Variants in GNAL observed in about 807,000 individuals in gnomAD.
The protein encoded by GNAL is G protein subunit alpha L, also known as guanine nucleotide-binding protein G(olf) subunit alpha.
Under a neutral mutation model 55.1 loss-of-function variants are expected in GNAL, and 18 were observed. The ratio of observed to expected loss-of-function variants is 0.33; its 90% CI spans 0.23 to 0.48. The LOEUF is 0.48. Among genes scored for constraint, GNAL ranks in the 20% least tolerant of loss-of-function variants. The pLI, the probability that GNAL is intolerant of heterozygous loss-of-function variation, is 0.99. For synonymous variants in GNAL, 253 were observed against 237.0 expected (o/e 1.07, Z -0.62); for missense variants, 412 against 614.1 (o/e 0.67, Z 3.48).
chr18:11,775,557 C>T (rs1037961932), intron 4 of GNAL, among the ~76,000 whole-genome samples: 81 of 152,204 alleles, frequency 5.3e-4, no homozygotes, highest in African/African-American at 1.9e-3. Flanking sequence ...CTAAGCCCTA[C>T]CTCACCCAAA....
chr18:11,768,676 C>CCT (rs1270114028), intron 4 of GNAL, among the ~76,000 whole-genome samples: 1 of 150,140 alleles, frequency 6.7e-6, no homozygotes, highest in Non-Finnish European at 1.5e-5. Context: ...GGGCGGATCA[C>CCT]GAGGTCAGGA....
At chr18:11,731,604 T>C (rs1407469392) in intron 1 of GNAL, among the ~76,000 whole-genome samples, 2 of 152,248 alleles carry the variant, frequency 1.3e-5, no homozygotes, top group African/African-American at 2.4e-5. Context: ...CACTGCGCAA[T>C]TGAATTCCAA....
Position 11,753,648 on chromosome 18 carries a change from T to C in GNAL, c.470T>C (p.Leu157Pro). ...TACAGGGAAAAGAAACAGAAAATTC[T>C]GGACATCCGGAAAAATGTTAAAGAT... Reference protein sequence around the residue: ...FNPEEKKQKILDIRKNVKDAI... With the variant: ...FNPEEKKQKIPDIRKNVKDAI... The change falls in exon 3 of 12, where the codon CTG becomes CCG. Residue 157 changes from leucine to proline, a missense_variant. Coordinates refer to ENST00000334049, the MANE Select transcript of GNAL (RefSeq NM_182978.4). The C allele has an allele frequency of 1.9e-6, 3 of 1,600,078 alleles. No homozygotes were observed. Among genetic ancestry groups the C allele is most frequent in the Non-Finnish European group, 2.6e-6 (3 of 1,167,298 alleles).
At chr18:11,829,733 G>A (rs2035334201) in intron 5 of GNAL, among the ~76,000 whole-genome samples, 1 of 152,176 alleles carries the variant, frequency 6.6e-6, no homozygotes, top group Admixed American at 6.5e-5. Flanking sequence ...TCAGTCAACG[G>A]GCGCAGTAGC....
chr18:11,739,007 G>A (rs900865586), intron 1 of GNAL, among the ~76,000 whole-genome samples: 4 of 152,090 alleles, frequency 2.6e-5, no homozygotes, highest in Admixed American at 1.3e-4. Context: ...GTGCATCACC[G>A]AAGTACACGA....
intron 4 of GNAL, among the ~76,000 whole-genome samples, chr18:11,803,544 T>A (rs2034572840): frequency 6.6e-6 from 1 of 152,276 alleles, no homozygotes; most frequent in South Asian, 2.1e-4. Context: ...TCTTTATTAT[T>A]ATTTGTGTAT....
chr18:11,803,375 A>G (rs969188607), intron 4 of GNAL, among the ~76,000 whole-genome samples: 1 of 152,222 alleles, frequency 6.6e-6, no homozygotes, highest in Non-Finnish European at 1.5e-5. Flanking sequence ...AGCTTTATCA[A>G]TGTTGTAGCA....
chr18:11,784,970 C>CT (rs1398245195), intron 4 of GNAL, among the ~76,000 whole-genome samples: 4 of 152,180 alleles, frequency 2.6e-5, no homozygotes, highest in Non-Finnish European at 5.9e-5. Flanking sequence ...CTATTTAAAA[C>CT]TGAGAATCAG....
At chr18:11,809,662 G>C (rs2034758975) in intron 4 of GNAL, among the ~76,000 whole-genome samples, 1 of 151,994 alleles carries the variant, frequency 6.6e-6, no homozygotes, top group African/African-American at 2.4e-5. Flanking sequence ...GGCCCCACAA[G>C]GCAAAGGTTG....
intron 4 of GNAL, among the ~76,000 whole-genome samples, chr18:11,754,252 G>C (rs1205036804): frequency 6.6e-6 from 1 of 151,726 alleles, no homozygotes; most frequent in African/African-American, 2.4e-5. Flanking sequence ...CCATCTCTAC[G>C]AAAAATACAA....
chr18:11,748,573 G>T (rs2032743057), intron 1 of GNAL, among the ~76,000 whole-genome samples: 1 of 151,958 alleles, frequency 6.6e-6, no homozygotes, highest in Non-Finnish European at 1.5e-5. Flanking sequence ...TTCAAATATA[G>T]AATTTATCTT....
rs544100747 is a variant in GNAL at position 11,690,277 on chromosome 18, G to A, written c.376+338G>A. Among the ~76,000 whole-genome samples, 3 of 152,200 alleles carry A rather than the reference G, an allele frequency of 2.0e-5. No homozygotes were observed. The South Asian group carries it at 6.2e-4, about 32-fold the overall frequency. On this transcript the variant is annotated intron_variant, in intron 1 of 11. Coordinates refer to ENST00000334049, the MANE Select transcript of GNAL (RefSeq NM_182978.4). The stretch of plus-strand genomic sequence containing the variant: ...TCACCTTCCACAGGGTCGAATCCCC[G>A]GGGATGTCTACCCTAGCCTCTCACT...
intron 1 of GNAL, among the ~76,000 whole-genome samples, chr18:11,743,670 A>T (rs1424282645): frequency 6.6e-6 from 1 of 152,214 alleles, no homozygotes; most frequent in Admixed American, 6.5e-5. Context: ...TTGGTATTAA[A>T]ACACATTGGC....
chr18:11,773,939 C>G (rs561841920), intron 4 of GNAL, among the ~76,000 whole-genome samples: 5 of 152,248 alleles, frequency 3.3e-5, no homozygotes, highest in African/African-American at 1.2e-4. Flanking sequence ...TCTATGTAAC[C>G]TTGGTTGAGT....
intron 4 of GNAL, among the ~76,000 whole-genome samples, chr18:11,814,174 A>G (rs1420734639): frequency 6.6e-6 from 1 of 152,192 alleles, no homozygotes; most frequent in Non-Finnish European, 1.5e-5. Flanking sequence ...GATAAACTCT[A>G]AAAGAAAAAA....
chr18:11,857,444 G>C, intron 5 of GNAL: 2 of 980,270 alleles, frequency 2.0e-6, no homozygotes, highest in Non-Finnish European at 2.4e-6. Flanking sequence ...GATGTTAAAA[G>C]AGACTGAAGG....
intron 1 of GNAL, among the ~76,000 whole-genome samples, chr18:11,726,232 C>A (rs2032208259): frequency 6.6e-6 from 1 of 152,208 alleles, no homozygotes; most frequent in African/African-American, 2.4e-5. Flanking sequence ...TTCCCTTTAG[C>A]ACATTCCTTT....
chr18:11,796,776 A>G (rs1466380906), intron 4 of GNAL, among the ~76,000 whole-genome samples: 1 of 152,200 alleles, frequency 6.6e-6, no homozygotes, highest in Admixed American at 6.5e-5. Context: ...ATTTCAGTTA[A>G]TAATGCTTCT....
chr18:11,717,748 C>T (rs987897308), intron 1 of GNAL, among the ~76,000 whole-genome samples: 1 of 152,234 alleles, frequency 6.6e-6, no homozygotes, highest in Admixed American at 6.5e-5. Flanking sequence ...ATGATGAGAA[C>T]ACATGGACCC....
Sources: allele counts gnomAD v4.1 joint callset (sites outside exome capture counted in the v4.1 genomes callset), GRCh38; gene constraint gnomAD v4.1.1; transcripts MANE v1.5; gene names NCBI Gene and HGNC (gene_info 2026-07-23, HGNC 2026-07-21).